CCDC85A: variants seen among roughly 807,000 people sequenced by gnomAD.
The protein encoded by CCDC85A is coiled-coil domain-containing protein 85A.
In CCDC85A, 38 loss-of-function variants were observed where a neutral mutation model predicts 50.2. That is an observed-to-expected ratio of 0.76 (90% CI 0.58 to 0.99). CCDC85A has a LOEUF of 0.99. Ranked by LOEUF, CCDC85A falls within the 50% of genes least tolerant of loss-of-function variation. The pLI is 0.00. For missense variants in CCDC85A, 820 were observed against 742.0 expected (o/e 1.11, Z -1.22); for synonymous variants, 366 against 301.4 (o/e 1.21, Z -2.22).
At chr2:56,365,744 G>A (rs753087098) in intron 3 of CCDC85A, among the ~76,000 whole-genome samples, 3 of 152,068 alleles carry the variant, frequency 2.0e-5, no homozygotes, top group South Asian at 2.1e-4. Flanking sequence ...ACATCAGTTC[G>A]CATAGTTATC....
intron 3 of CCDC85A, among the ~76,000 whole-genome samples, chr2:56,359,191 C>T (rs536223021): frequency 6.6e-6 from 1 of 152,194 alleles, no homozygotes; most frequent in East Asian, 1.9e-4. Context: ...ATCCCAAAAC[C>T]TGCTCTGAGT....
At chr2:56,185,046 G>T in intron 1 of CCDC85A, 146 bp downstream of exon 1, 1 of 989,814 alleles carries the variant, frequency 1.0e-6, no homozygotes, top group South Asian at 1.9e-5. Context: ...CCAGTCCCCA[G>T]CCCCTGTGTA....
At chr2:56,234,426 G>C (rs533625663) in intron 2 of CCDC85A, among the ~76,000 whole-genome samples, 1 of 152,194 alleles carries the variant, frequency 6.6e-6, no homozygotes, top group South Asian at 2.1e-4. Context: ...GGCTCCTCTC[G>C]AGCTTGCCTA....
chr2:56,345,157 A>C (rs754719215), intron 3 of CCDC85A, among the ~76,000 whole-genome samples: 1 of 152,036 alleles, frequency 6.6e-6, no homozygotes, highest in Non-Finnish European at 1.5e-5. Context: ...ATACATTACT[A>C]TTTTGCTACC....
At chr2:56,328,245 G>C (rs1179695773) in intron 2 of CCDC85A, among the ~76,000 whole-genome samples, 1 of 152,132 alleles carries the variant, frequency 6.6e-6, no homozygotes, top group Non-Finnish European at 1.5e-5. Flanking sequence ...TTTAGGAATA[G>C]AACAGAGGTA....
chr2:56,251,207 C>T (rs191423846), intron 2 of CCDC85A, among the ~76,000 whole-genome samples: 23 of 152,304 alleles, frequency 1.5e-4, no homozygotes, highest in Admixed American at 1.3e-3. Context: ...CTTAAGGCAG[C>T]CCTGTGTTGA....
rs765538860 is a variant in CCDC85A at position 56,385,222 on chromosome 2, G to C, written c.*867G>C. ...GTGAGATGTCAATTTCTACAATTTA[G>C]TTTCTAGACATGCTGTATATTTAAT... On this transcript the variant is annotated 3_prime_UTR_variant, in exon 6 of 6. Transcript: ENST00000407595. 1.3e-5 allele frequency: 2 copies of C among 152,084 alleles called. No homozygotes were observed. Among genetic ancestry groups the C allele is most frequent in the Non-Finnish European group, 2.9e-5 (2 of 67,804 alleles). 9.4% of individuals were successfully genotyped at this position (152,084 alleles called of 1,614,324 possible).
chr2:56,262,726 C>T (rs1670272761), intron 2 of CCDC85A, among the ~76,000 whole-genome samples: 1 of 152,206 alleles, frequency 6.6e-6, no homozygotes, highest in South Asian at 2.1e-4. Flanking sequence ...GTATTGCTAT[C>T]TCTTGCATCT....
At chr2:56,220,246 TA>T (rs139055756) in intron 2 of CCDC85A, among the ~76,000 whole-genome samples, 33,155 of 151,796 alleles carry the variant, frequency 0.22, 4,066 homozygotes, top group Admixed American at 0.3. Flanking sequence ...ACTTTCTACT[TA>T]ATCTTAAACT....
chr2:56,210,537 C>G (rs1309746580), intron 2 of CCDC85A, among the ~76,000 whole-genome samples: 1 of 152,020 alleles, frequency 6.6e-6, no homozygotes, highest in Non-Finnish European at 1.5e-5. Context: ...TGGTTTGTTT[C>G]TACTCCACAA....
intron 3 of CCDC85A, among the ~76,000 whole-genome samples, chr2:56,368,450 C>T (rs939513349): frequency 7.2e-5 from 11 of 152,074 alleles, no homozygotes; most frequent in African/African-American, 2.7e-4. Flanking sequence ...TATTATTTCC[C>T]TGATGAGATT....
chr2:56,313,432 C>G (rs1264940106), intron 2 of CCDC85A, among the ~76,000 whole-genome samples: 6 of 152,026 alleles, frequency 3.9e-5, no homozygotes, highest in Non-Finnish European at 7.4e-5. Context: ...GAACTGATAC[C>G]TTGATTTGCA....
chr2:56,274,785 G>T (rs529099141), intron 2 of CCDC85A, among the ~76,000 whole-genome samples: 2 of 152,204 alleles, frequency 1.3e-5, no homozygotes, highest in African/African-American at 4.8e-5. Flanking sequence ...GACTGTGGGG[G>T]TTAAATAACA....
intron 3 of CCDC85A, among the ~76,000 whole-genome samples, chr2:56,348,643 G>A (rs77001444): frequency 0.011 from 1,717 of 152,262 alleles, 31 homozygotes; most frequent in African/African-American, 0.039. Context: ...AGAAGGGTAC[G>A]TAGGAGCTAA....
intron 2 of CCDC85A, among the ~76,000 whole-genome samples, chr2:56,201,079 CACACACACACACACACACACA>C (rs1325078197): frequency 2.9e-5 from 4 of 137,988 alleles, no homozygotes; most frequent in South Asian, 4.6e-4. Context: ...TCTCTCTCCA[CACACACACACACACACACACA>C]CACACACACA....
intron 2 of CCDC85A, among the ~76,000 whole-genome samples, chr2:56,232,764 A>T (rs1474977022): frequency 6.6e-6 from 1 of 152,060 alleles, no homozygotes; most frequent in Non-Finnish European, 1.5e-5. Context: ...TCATTCCCAT[A>T]TTTCTCCATC....
chr2:56,362,505 G>T (rs1329706630), intron 3 of CCDC85A, among the ~76,000 whole-genome samples: 1 of 152,024 alleles, frequency 6.6e-6, no homozygotes, highest in Non-Finnish European at 1.5e-5. Flanking sequence ...AGAGCTTTGT[G>T]GACTGTATCC....
intron 2 of CCDC85A, among the ~76,000 whole-genome samples, chr2:56,273,864 C>T (rs568348444): frequency 2.6e-5 from 4 of 151,936 alleles, no homozygotes; most frequent in Middle Eastern, 3.4e-3. Flanking sequence ...GAAGAAAAAT[C>T]GTTTGTTAGG....
chr2:56,278,193 G>T (rs1671047002), intron 2 of CCDC85A, among the ~76,000 whole-genome samples: 1 of 151,966 alleles, frequency 6.6e-6, no homozygotes, highest in Non-Finnish European at 1.5e-5. Context: ...CCTCTATATT[G>T]GTTTGAGTAG....
Sources: gnomAD v4.1 joint callset for allele counts (sites outside exome capture counted in the v4.1 genomes callset) on GRCh38, gnomAD v4.1.1 for gene constraint, MANE v1.5 for transcripts, NCBI Gene and HGNC (gene_info 2026-07-23, HGNC 2026-07-21) for gene names.